Variants in ATRN observed in about 807,000 individuals in gnomAD.
ATRN encodes attractin.
Under a neutral mutation model 178.7 loss-of-function variants are expected in ATRN, and 54 were observed. The observed-to-expected ratio is 0.30, with a 90% CI of 0.24 to 0.38. The LOEUF (loss-of-function observed/expected upper bound fraction) is 0.38, where lower values mean the gene tolerates loss of function less well. Ranked by LOEUF, ATRN falls within the 10% of genes least tolerant of loss-of-function variation. The pLI, the probability that ATRN is intolerant of heterozygous loss-of-function variation, is 1.00. For synonymous variants in ATRN, 636 were observed against 663.0 expected (o/e 0.96, Z 0.63); for missense variants, 1,443 against 1,815.1 (o/e 0.79, Z 3.73).
At position 3,650,355 on chromosome 20, in the gene ATRN, A is replaced by AGG. The variant is rs1289089348; in HGVS notation, c.*3509_*3510insGG. ...CACTAACTTAAGCTAATGCTAGGGT[A>AGG]GTGACTGAGATGTAAAAATAGATTT... On this transcript the variant is annotated 3_prime_UTR_variant, in exon 29 of 29. Transcript: ENST00000262919. The AGG allele has an allele frequency of 6.5e-6, 1 of 152,676 alleles. No individual in the cohort carries two copies. Among genetic ancestry groups the AGG allele is most frequent in the Non-Finnish European group, 1.5e-5 (1 of 68,048 alleles). 9.5% of individuals were successfully genotyped at this position (152,676 alleles called of 1,614,324 possible).
rs2086241109 is a variant in ATRN, at chr20:3,578,492, C to T, written c.2354-90C>T. The T allele has an allele frequency of 2.2e-5, 26 of 1,183,690 alleles. No homozygotes were observed. In the Middle Eastern group the frequency reaches 8.2e-4, roughly 37 times the overall value. The allele number at this position is 1,183,690 out of a possible 1,614,324, so 73.3% of individuals were successfully genotyped here. ...TACCTAGAATTTAAATTAGAAAGGC[C>T]ATTTCGGTATTCAGTAATTTGAACT... On this transcript the variant is annotated intron_variant, in intron 14 of 28. Transcript: ENST00000262919.
chr20:3,551,205 T>G (rs1352262132), intron 6 of ATRN, among the ~76,000 whole-genome samples: 1 of 152,200 alleles, frequency 6.6e-6, no homozygotes, highest in Non-Finnish European at 1.5e-5. Context: ...TGTCCCCTAG[T>G]GTAGTGACCA....
Position 3,578,594 on chromosome 20 carries a change from G to A in ATRN, c.2366G>A (p.Gly789Asp), listed in dbSNP as rs1348035359. The A allele has an allele frequency of 6.2e-7, 1 of 1,603,350 alleles. No individual in the cohort carries two copies. The highest frequency in any genetic ancestry group is 1.1e-5 in the South Asian group (1 of 88,994). Reference sequence around the variant, plus strand: ...CCCTTAATGAAAGAAAATATCTGTGGCATTGGCTGGCATTTGGTTGGAAAC... The same window carrying A: ...CCCTTAATGAAAGAAAATATCTGTGACATTGGCTGGCATTTGGTTGGAAAC... ...ECIALPENIC[G>D]IGWHLVGNSC... The change falls in exon 15 of 29, where the codon GGC becomes GAC. Residue 789 changes from glycine (G) to aspartate (D), a missense_variant. Around this residue, in one of 4 missense-constraint regions of ATRN, gnomAD observed 212 missense variants for 330.7 expected, o/e 0.64. Coordinates refer to ENST00000262919, the MANE Select transcript of ATRN (RefSeq NM_139321.3).
At chr20:3,497,914 A>G (rs550246962) in intron 1 of ATRN, among the ~76,000 whole-genome samples, 3 of 152,212 alleles carry the variant, frequency 2.0e-5, no homozygotes, top group East Asian at 1.9e-4. Context: ...CATTCATTTC[A>G]TCAACAAAAT....
chr20:3,630,070 T>C (rs2146319862), intron 25 of ATRN, among the ~76,000 whole-genome samples: 1 of 152,322 alleles, frequency 6.6e-6, no homozygotes, highest in South Asian at 2.1e-4. Flanking sequence ...TCTAACCCTC[T>C]AACCACCTAG....
intron 1 of ATRN, among the ~76,000 whole-genome samples, chr20:3,478,208 TG>T (rs1236743298): frequency 6.6e-6 from 1 of 152,204 alleles, no homozygotes; most frequent in Non-Finnish European, 1.5e-5. Context: ...CTTCACACTT[TG>T]TCATATCAGT....
At position 3,649,616 on chromosome 20, in the gene ATRN, C is replaced by T. The variant is rs1044387361; in HGVS notation, c.*2769C>T. 1 of 152,208 alleles carries T rather than the reference C, an allele frequency of 6.6e-6. No homozygotes were observed. Among genetic ancestry groups the T allele is most frequent in the African/African-American group, 2.4e-5 (1 of 41,440 alleles). The allele number at this position is 152,208 out of a possible 1,614,324, so 9.4% of individuals were successfully genotyped here. A position where few individuals can be genotyped will look rare whatever the true frequency, so the allele number is the denominator to read the frequency against. ...CGAAACGACAGTGCTGGAGGAGACT[C>T]AGGAAGCAGAGGCGTCCCTGCCGCT... is the stretch of plus-strand genomic sequence containing the variant. On this transcript the variant is annotated 3_prime_UTR_variant, in exon 29 of 29. Coordinates refer to ENST00000262919, the MANE Select transcript of ATRN (RefSeq NM_139321.3).
At chr20:3,512,696 A>G (rs1189393906) in intron 1 of ATRN, among the ~76,000 whole-genome samples, 2 of 152,172 alleles carry the variant, frequency 1.3e-5, no homozygotes, top group East Asian at 1.9e-4. Context: ...GACTTCCACA[A>G]TGGTTGAGCT....
chr20:3,504,387 C>T (rs1215159638), intron 1 of ATRN, among the ~76,000 whole-genome samples: 3 of 151,686 alleles, frequency 2.0e-5, no homozygotes, highest in African/African-American at 7.3e-5. Context: ...AAATAATAGA[C>T]TGTCGCAGGC....
At position 3,649,357 on chromosome 20, in the gene ATRN, CAG is replaced by C. The variant is rs767198667; in HGVS notation, c.*2512_*2513del. On this transcript the variant is annotated 3_prime_UTR_variant, in exon 29 of 29. Transcript: ENST00000262919. ...TCAGACATTCGGAGTGTACATAAAA[CAG>C]AAAAAATCTTCATGTATTTTTATTA... 1 of 152,580 alleles carries C rather than the reference CAG, an allele frequency of 6.6e-6. No homozygotes were observed. Among genetic ancestry groups the C allele is most frequent in the African/African-American group, 2.4e-5 (1 of 41,432 alleles). 9.5% of individuals were successfully genotyped at this position (152,580 alleles called of 1,614,324 possible).
intron 19 of ATRN, among the ~76,000 whole-genome samples, chr20:3,593,561 A>G (rs1252195883): frequency 6.6e-6 from 1 of 152,128 alleles, no homozygotes; most frequent in African/African-American, 2.4e-5. Context: ...AGATGGACGT[A>G]AGGCCTTTGC....
rs148619076 is a variant in ATRN at position 3,574,934 on chromosome 20, A to G, written c.2093-893A>G. 3.3e-4 allele frequency among the ~76,000 whole-genome samples: 49 copies of G among 148,916 alleles called. No homozygotes were observed. The East Asian group carries it at 4.7e-3, about 14-fold the overall frequency. ...CCATGTCCACGAGATGGTTGAACAGATGAGACAACATGGTTGTGCAGCTTC... is the reference window on the plus strand; with the variant it reads ...CCATGTCCACGAGATGGTTGAACAGGTGAGACAACATGGTTGTGCAGCTTC... On this transcript the variant is annotated intron_variant, in intron 12 of 28. Transcript: ENST00000262919.
chr20:3,512,047 T>C (rs1169767008), intron 1 of ATRN, among the ~76,000 whole-genome samples: 5 of 147,580 alleles, frequency 3.4e-5, no homozygotes, highest in African/African-American at 1.2e-4. Flanking sequence ...TTTTTTTTTT[T>C]TGGAAGGCCT....
At position 3,546,146 on chromosome 20, in the gene ATRN, G is replaced by A. The variant is rs77281466; in HGVS notation, c.737+256G>A. ...TGGTGGGACCACAATTTAAACCCAG[G>A]TGTTGATGCTGTTGAACTTCTAGAA... On this transcript the variant is annotated intron_variant, in intron 4 of 28. Transcript: ENST00000262919. Among the ~76,000 whole-genome samples, 86 of 152,230 alleles carry A rather than the reference G, an allele frequency of 5.6e-4. 2 individuals are homozygous for A. In the East Asian group the frequency reaches 0.016, roughly 28 times the overall value.
At chr20:3,477,946 C>T (rs1207953382) in intron 1 of ATRN, among the ~76,000 whole-genome samples, 1 of 152,134 alleles carries the variant, frequency 6.6e-6, no homozygotes, top group African/African-American at 2.4e-5. Flanking sequence ...CTTCTATCCT[C>T]ATTGAAAAAA....
intron 6 of ATRN, among the ~76,000 whole-genome samples, chr20:3,552,422 C>A (rs2085802147): frequency 1.8e-5 from 1 of 54,800 alleles, no homozygotes; most frequent in Non-Finnish European, 3.9e-5. Context: ...GGCTGCTCTT[C>A]CCCCAGATGT....
chr20:3,615,842 A>G (rs867199418), intron 24 of ATRN: 12 of 454,822 alleles, frequency 2.6e-5, no homozygotes, highest in East Asian at 1.4e-4. Context: ...AAACTGAACA[A>G]TGAGGACGCA....
chr20:3,573,322 C>T (rs2086155119), intron 12 of ATRN, among the ~76,000 whole-genome samples: 1 of 152,110 alleles, frequency 6.6e-6, no homozygotes, highest in African/African-American at 2.4e-5. Context: ...AGCCACTAGC[C>T]ACATGGGCTA....
intron 1 of ATRN, among the ~76,000 whole-genome samples, chr20:3,507,464 A>G (rs541453958): frequency 6.6e-6 from 1 of 152,180 alleles, no homozygotes; most frequent in East Asian, 1.9e-4. Context: ...ACTTTTGCAC[A>G]TACCGAAAAG....
Sources: allele counts gnomAD v4.1 joint callset (sites outside exome capture counted in the v4.1 genomes callset), GRCh38; gene constraint gnomAD v4.1.1; regional missense constraint gnomAD v4.1.1; transcripts MANE v1.5; gene names NCBI Gene and HGNC (gene_info 2026-07-23, HGNC 2026-07-21).